SPATS2L: variants seen among roughly 807,000 people sequenced by gnomAD.
The protein encoded by SPATS2L is spermatogenesis associated serine rich 2 like.
Under a neutral mutation model 59.6 loss-of-function variants are expected in SPATS2L, and 30 were observed. That is an observed-to-expected ratio of 0.50 (90% CI 0.38 to 0.68). SPATS2L has a LOEUF of 0.68. SPATS2L is among the 30% of genes least tolerant of loss of function. The pLI, the probability that SPATS2L is intolerant of heterozygous loss-of-function variation, is 0.00. For synonymous variants in SPATS2L, 252 were observed against 263.5 expected (o/e 0.96, Z 0.42); for missense variants, 615 against 700.0 (o/e 0.88, Z 1.37).
At position 200,478,048 on chromosome 2, in the gene SPATS2L, G is replaced by A; in HGVS notation, c.*17G>A. The A allele has an allele frequency of 6.6e-7, 1 of 1,523,924 alleles. No individual in the cohort carries two copies. The allele number at this position is 1,523,924 out of a possible 1,614,324, so 94.4% of individuals were successfully genotyped here. On this transcript the variant is annotated 3_prime_UTR_variant, in exon 13 of 13. Transcript: ENST00000409140. ...GTGGCCTGAGCTAGGAGGAAAAAGAGCAGTTTTCACTCAGTTTTGGTTCCC... is the reference window on the plus strand; with the variant it reads ...GTGGCCTGAGCTAGGAGGAAAAAGAACAGTTTTCACTCAGTTTTGGTTCCC...
chr2:200,462,940 CAATAAT>C (rs59711465), intron 9 of SPATS2L, among the ~76,000 whole-genome samples: 7 of 150,674 alleles, frequency 4.6e-5, no homozygotes, highest in South Asian at 4.2e-4. Flanking sequence ...ATAATAATAA[CAATAAT>C]AATAATAATA....
At chr2:200,382,074 G>A (rs2081832723) in intron 2 of SPATS2L, among the ~76,000 whole-genome samples, 1 of 152,066 alleles carries the variant, frequency 6.6e-6, no homozygotes, top group African/African-American at 2.4e-5. Flanking sequence ...TCGGGGTTGT[G>A]GTGAATGGAG....
chr2:200,438,856 C>G (rs1574543497), intron 6 of SPATS2L, among the ~76,000 whole-genome samples: 1 of 152,142 alleles, frequency 6.6e-6, no homozygotes, highest in East Asian at 1.9e-4. Context: ...GATGAGGAAA[C>G]TAGGGCTCAG....
chr2:200,473,758 G>C (rs777460609), intron 12 of SPATS2L, among the ~76,000 whole-genome samples: 24 of 152,144 alleles, frequency 1.6e-4, no homozygotes, highest in Non-Finnish European at 3.4e-4. Flanking sequence ...CCAGCACTTT[G>C]GGAGGCCAAG....
chr2:200,396,031 A>AT (rs1337421806), intron 3 of SPATS2L, among the ~76,000 whole-genome samples: 4 of 30,954 alleles, frequency 1.3e-4, no homozygotes, highest in African/African-American at 1.8e-4. Context: ...AAAAAAAAAA[A>AT]AAATATATAT....
intron 1 of SPATS2L, among the ~76,000 whole-genome samples, chr2:200,323,883 T>C (rs1292537827): frequency 6.6e-6 from 1 of 152,208 alleles, no homozygotes; most frequent in African/African-American, 2.4e-5. Context: ...GGCAACTCTT[T>C]TATTATTAAA....
chr2:200,404,667 A>C (rs544102879), intron 3 of SPATS2L, among the ~76,000 whole-genome samples: 2 of 152,338 alleles, frequency 1.3e-5, no homozygotes, highest in East Asian at 1.9e-4. Context: ...TGCTGTAACA[A>C]ACTGCCACAA....
chr2:200,334,530 G>T (rs1194141324), intron 2 of SPATS2L, among the ~76,000 whole-genome samples: 1 of 151,664 alleles, frequency 6.6e-6, no homozygotes, highest in Admixed American at 6.6e-5. Flanking sequence ...GATCCCATTT[G>T]TCAATTTTGG....
At chr2:200,327,129 C>T (rs1042326432) in intron 1 of SPATS2L, among the ~76,000 whole-genome samples, 7 of 151,540 alleles carry the variant, frequency 4.6e-5, no homozygotes, top group Admixed American at 3.9e-4. Context: ...TTGAGCCAGG[C>T]GTGGTGGCTT....
At position 200,416,411 on chromosome 2, in the gene SPATS2L, A is replaced by G; in HGVS notation, c.181A>G (p.Met61Val). ...SAIQVLKEWN[M>V]TGKKKNNKRK... is the part of the protein sequence containing the mutation. ...AATTCAAGTTCTAAAAGAATGGAAT[A>G]TGACAGGAAAAAAGAAGGTAAGATT... The change falls in exon 5 of 13, where the codon ATG becomes GTG. Residue 61 changes from methionine (M) to valine (V), a missense_variant. Physicochemically the swap from Met to Val is conservative, Grantham distance 21. Around this residue, in one of 3 missense-constraint regions of SPATS2L, gnomAD observed 227 missense variants for 257.4 expected, o/e 0.88. Transcript: ENST00000409140. 1.3e-6 allele frequency: 2 copies of G among 1,492,484 alleles called. No individual in the cohort carries two copies. Among genetic ancestry groups the G allele is most frequent in the Non-Finnish European group, 9.0e-7 (1 of 1,105,332 alleles). The allele number at this position is 1,492,484 out of a possible 1,614,324, so 92.5% of individuals were successfully genotyped here. A position where few individuals can be genotyped will look rare whatever the true frequency, so the allele number is the denominator to read the frequency against.
chr2:200,371,054 G>A (rs1009419897), intron 2 of SPATS2L, among the ~76,000 whole-genome samples: 6 of 152,118 alleles, frequency 3.9e-5, no homozygotes, highest in Middle Eastern at 3.2e-3. Flanking sequence ...AAATCTTGGG[G>A]GTTTTAATTG....
chr2:200,330,844 A>G (rs1211877286), intron 2 of SPATS2L, among the ~76,000 whole-genome samples: 1 of 152,190 alleles, frequency 6.6e-6, no homozygotes, highest in Non-Finnish European at 1.5e-5. Context: ...GGAATGTTTT[A>G]CCCTGCAAAA....
At chr2:200,354,345 A>G (rs1325064432) in intron 2 of SPATS2L, among the ~76,000 whole-genome samples, 1 of 152,186 alleles carries the variant, frequency 6.6e-6, no homozygotes, top group African/African-American at 2.4e-5. Flanking sequence ...GCGATGGCTC[A>G]CACCTGTAAT....
chr2:200,446,829 A>G (rs966967070), intron 8 of SPATS2L, among the ~76,000 whole-genome samples: 1 of 152,190 alleles, frequency 6.6e-6, no homozygotes, highest in African/African-American at 2.4e-5. Flanking sequence ...TTGTCTTCTC[A>G]TTTCATAACA....
chr2:200,437,858 C>T (rs992606215), intron 6 of SPATS2L, among the ~76,000 whole-genome samples: 1 of 152,090 alleles, frequency 6.6e-6, no homozygotes, highest in Non-Finnish European at 1.5e-5. Flanking sequence ...AGTGTAGTCT[C>T]TGACTGTGTC....
At chr2:200,342,711 T>C (rs371561325) in intron 2 of SPATS2L, among the ~76,000 whole-genome samples, 7 of 152,236 alleles carry the variant, frequency 4.6e-5, no homozygotes, top group African/African-American at 1.4e-4. Flanking sequence ...AGGGTCACCC[T>C]GTTTGGGGGC....
chr2:200,376,657 T>G (rs295122), intron 2 of SPATS2L, among the ~76,000 whole-genome samples: 149,530 of 152,348 alleles, frequency 0.98, 73,434 homozygotes, highest in Middle Eastern at 1. Context: ...GACCTGACAT[T>G]GGTTTCCGAT....
chr2:200,467,877 C>A (rs572589193), intron 10 of SPATS2L, among the ~76,000 whole-genome samples: 25 of 152,152 alleles, frequency 1.6e-4, no homozygotes, highest in African/African-American at 5.8e-4. Context: ...GAATACTACC[C>A]ATAAATACGT....
At position 200,306,767 on chromosome 2, in the gene SPATS2L, G is replaced by GGCGAGCTCCGGACGGC; in HGVS notation, c.-224_-209dup. On this transcript the variant is annotated 5_prime_UTR_variant, in exon 1 of 13. Transcript: ENST00000409140. ...TCCGCTGCAAGCGCCGGCAGCGCGG[G>GGCGAGCTCCGGACGGC]GCGAGCTCCGGACGGCGCGCGGCCC... 9.2e-6 allele frequency: 9 copies of GGCGAGCTCCGGACGGC among 982,396 alleles called. No homozygotes were observed. The highest frequency in any genetic ancestry group is 9.7e-6 in the Non-Finnish European group (8 of 828,576). The allele number at this position is 982,396 out of a possible 1,614,324, so 60.9% of individuals were successfully genotyped here. A position where few individuals can be genotyped will look rare whatever the true frequency, so the allele number is the denominator to read the frequency against.
Sources: gnomAD v4.1 joint callset for allele counts (sites outside exome capture counted in the v4.1 genomes callset) on GRCh38, gnomAD v4.1.1 for gene constraint, gnomAD v4.1.1 regional missense constraint, MANE v1.5 for transcripts, NCBI Gene and HGNC (gene_info 2026-07-23, HGNC 2026-07-21) for gene names.